Variants in HJURP observed in about 807,000 individuals in gnomAD.
HJURP encodes the protein 14-3-3-associated AKT substrate.
Under a neutral mutation model 72.0 loss-of-function variants are expected in HJURP, and 49 were observed. That is an observed-to-expected ratio of 0.68 (90% confidence interval 0.54 to 0.86). The LOEUF is 0.86. Ranked by LOEUF, HJURP falls within the 40% of genes least tolerant of loss-of-function variation. The pLI is 0.00. For missense variants in HJURP, 908 were observed against 936.3 expected, an observed-to-expected ratio of 0.97 and a Z score of 0.39; for synonymous variants, 357 against 347.1, an observed-to-expected ratio of 1.03 and a Z score of -0.32.
intron 3 of HJURP, among the ~76,000 whole-genome samples, chr2:233,850,646 G>T (rs954871527): frequency 2.6e-5 from 4 of 152,182 alleles, no homozygotes; most frequent in Admixed American, 6.5e-5. Context: ...AGAGGACTTG[G>T]GGCTACCCAG....
chr2:233,839,380 G>C (rs986747725), intron 8 of HJURP, among the ~76,000 whole-genome samples: 5 of 152,220 alleles, frequency 3.3e-5, no homozygotes, highest in Non-Finnish European at 7.3e-5. Context: ...GCAAAGAACT[G>C]GGGAGTAGGG....
At chr2:233,842,335 A>G in intron 7 of HJURP, 130 bp from the exon 8 acceptor site, 1 of 707,280 alleles carries the variant, frequency 1.4e-6, no homozygotes, top group Non-Finnish European at 2.3e-6. Flanking sequence ...AAAACACCAC[A>G]AATGTGTAGG....
intron 7 of HJURP, among the ~76,000 whole-genome samples, chr2:233,843,284 T>G (rs1705277045): frequency 6.6e-6 from 1 of 152,016 alleles, no homozygotes; most frequent in Non-Finnish European, 1.5e-5. Flanking sequence ...GGTGAGAAGC[T>G]TTTAGAGAAA....
At chr2:233,843,029 G>T (rs1036473066) in intron 7 of HJURP, among the ~76,000 whole-genome samples, 1 of 152,162 alleles carries the variant, frequency 6.6e-6, no homozygotes, top group African/African-American at 2.4e-5. Flanking sequence ...ACCGGCAATG[G>T]ATTATAACAT....
At position 233,849,857 on chromosome 2, in the gene HJURP, G is replaced by T. The variant is rs145421945; in HGVS notation, c.243C>A (p.Asp81Glu). Residue 81 changes from aspartate (D) to glutamate (E), a missense_variant and splice_region_variant, in exon 4 of 9, where the codon GAC (aspartate) becomes GAA (glutamate). Asp to Glu is a conservative substitution (Grantham distance 45, BLOSUM62 2). Transcript: ENST00000411486. ...IKERNEGEIQ[D>E]SSMKPADRTD... ...TCCTGTCCGCGGGCTTCATGGAGGA[G>T]TCCTCCAAGTGCAGAAGCCAATAAA... The T allele has an allele frequency of 3.0e-5, 47 of 1,541,026 alleles. No individual in the cohort carries two copies. In the African/African-American group the frequency reaches 6.3e-4, roughly 21 times the overall value.
chr2:233,844,158 A>T lies in HJURP; in HGVS notation c.574+47T>A, dbSNP rs754255809. 3.3e-6 allele frequency: 5 copies of T among 1,534,398 alleles called. No individual in the cohort carries two copies. The South Asian group carries it at 5.6e-5, about 17-fold the overall frequency. ...TGAGGGGCCACGCAGCTCCAACAAA[A>T]GTGAAGGAAACACGCACTGTTCATA... On this transcript the variant is annotated intron_variant, in intron 7 of 8. Coordinates refer to ENST00000411486, the MANE Select transcript of HJURP (RefSeq NM_018410.5).
intron 2 of HJURP, 38 bp downstream of exon 2, chr2:233,853,806 C>T: frequency 6.4e-7 from 1 of 1,558,970 alleles, no homozygotes; most frequent in South Asian, 1.1e-5. Flanking sequence ...CATTCACACT[C>T]TTCACCCGAA....
At chr2:233,845,996 A>G in intron 5 of HJURP, 176 bp from the exon 6 acceptor site, 1 of 550,122 alleles carries the variant, frequency 1.8e-6, no homozygotes, top group East Asian at 2.9e-5. Flanking sequence ...TGCTATGTTA[A>G]TAATCCAAAA....
At chr2:233,847,557 CAGT>C in intron 4 of HJURP, 96 bp from the exon 5 acceptor site, 2 of 1,018,470 alleles carry the variant, frequency 2.0e-6, no homozygotes, top group Non-Finnish European at 3.1e-6. Context: ...GTAAGTTGTA[CAGT>C]AAAAATCCCC....
chr2:233,853,968 C>T, intron 1 of HJURP, 58 bp from the exon 2 acceptor site: 1 of 1,493,788 alleles, frequency 6.7e-7, no homozygotes, highest in South Asian at 1.1e-5. Context: ...GCCCCAGACC[C>T]GGGAGGAGGC....
In HJURP at chr2:233,841,958, C is replaced by T; in HGVS notation, c.822G>A (p.Leu274=). ...TGATGCTTGATGGCTTTGTGCTCAA[C>T]AGCCGGCTCATGGAGTGCAGCATCC... The part of the protein sequence containing the change: ...YAGMLHSMSR[L]LSTKPSSIIS... The change falls in exon 8 of 9, where the codon CTG becomes CTA. Residue 274 remains leucine, a synonymous_variant. Coordinates refer to ENST00000411486, the MANE Select transcript of HJURP (RefSeq NM_018410.5). 6.2e-7 allele frequency: 1 copy of T among 1,614,232 alleles called. No individual in the cohort carries two copies. Among genetic ancestry groups the T allele is most frequent in the South Asian group, 1.1e-5 (1 of 91,080 alleles).
chr2:233,850,248 T>C (rs1705467656), intron 3 of HJURP, among the ~76,000 whole-genome samples: 1 of 152,206 alleles, frequency 6.6e-6, no homozygotes, highest in African/African-American at 2.4e-5. Context: ...AATAGGCAAG[T>C]GGCCCCTGGG....
intron 6 of HJURP, among the ~76,000 whole-genome samples, chr2:233,844,974 C>G (rs1270710345): frequency 6.6e-6 from 1 of 151,396 alleles, no homozygotes; most frequent in African/African-American, 2.4e-5. Flanking sequence ...CATCCCCCCC[C>G]TCCCAACATG....
At position 233,846,076 on chromosome 2, in the gene HJURP, G is replaced by T; in HGVS notation, c.403-256C>A. The T allele has an allele frequency of 2.7e-6, 1 of 373,794 alleles. No individual in the cohort carries two copies. Among genetic ancestry groups the T allele is most frequent in the Non-Finnish European group, 4.8e-6 (1 of 207,350 alleles). 23.2% of individuals were successfully genotyped at this position (373,794 alleles called of 1,614,324 possible). ...AGTTTATGACAGCATTGCTAGACCA[G>T]GAAAAAAAAAATCTGAATATTCATA... On this transcript the variant is annotated intron_variant, in intron 5 of 8. Transcript: ENST00000411486. This position sits in a 1 kb window ranked among gnomAD's most constrained non-coding sequence, Gnocchi z 4.3.
Position 233,837,325 on chromosome 2 carries a change from C to A in HJURP, c.*252G>T. 4 of 314,380 alleles carry A rather than the reference C, an allele frequency of 1.3e-5. No individual in the cohort carries two copies. Among genetic ancestry groups the A allele is most frequent in the Non-Finnish European group, 1.7e-5 (3 of 171,940 alleles). The allele number at this position is 314,380 out of a possible 1,614,324, so 19.5% of individuals were successfully genotyped here. On this transcript the variant is annotated 3_prime_UTR_variant, in exon 9 of 9. Transcript: ENST00000411486. ...ACAAACAAACAAACAAATAACCCCCCCCCAAAAAAAACACACACATCAGAA... is the reference window on the plus strand; with the variant it reads ...ACAAACAAACAAACAAATAACCCCCACCCAAAAAAAACACACACATCAGAA...
chr2:233,849,364 G>A lies in HJURP; in HGVS notation c.337+399C>T, dbSNP rs577122385. 2.4e-4 allele frequency among the ~76,000 whole-genome samples: 36 copies of A among 152,292 alleles called. No homozygotes were observed. In the South Asian group the frequency reaches 3.9e-3, roughly 17 times the overall value. On this transcript the variant is annotated intron_variant, in intron 4 of 8. Transcript: ENST00000411486. Reference sequence around the variant, plus strand: ...ATTCCCTAGAAAAGAGGACAGGATGGGGGTGGGCAGTGAGACTGGCCTGGG... The same window carrying A: ...ATTCCCTAGAAAAGAGGACAGGATGAGGGTGGGCAGTGAGACTGGCCTGGG...
Position 233,846,778 on chromosome 2 carries a change from G to C in HJURP, c.402+619C>G, listed in dbSNP as rs1279724916. ...GCATCAGGTATTCTGGCAGGCAACA[G>C]AGTGTGACACGGGGGCCAGGAAAGA... On this transcript the variant is annotated intron_variant, in intron 5 of 8. Transcript: ENST00000411486. The surrounding 1 kb of genome is among the most constrained non-coding windows in gnomAD (Gnocchi z 4.3). 3.3e-5 allele frequency among the ~76,000 whole-genome samples: 5 copies of C among 152,350 alleles called. No homozygotes were observed. The South Asian group carries it at 6.2e-4, about 19-fold the overall frequency.
At chr2:233,845,583 T>A (rs1705341582) in intron 6 of HJURP, 145 bp downstream of exon 6, 2 of 586,116 alleles carry the variant, frequency 3.4e-6, no homozygotes, top group African/African-American at 1.9e-5. Context: ...TATGTCAGCA[T>A]GTGAATAAAA....
intron 3 of HJURP, among the ~76,000 whole-genome samples, chr2:233,850,617 G>C (rs1473023749): frequency 6.6e-6 from 1 of 152,226 alleles, no homozygotes; most frequent in East Asian, 1.9e-4. Context: ...TGGTCCTCAG[G>C]TGTCAACTCT....
Sources: gnomAD v4.1 joint callset for allele counts (sites outside exome capture counted in the v4.1 genomes callset) on GRCh38, gnomAD v4.1.1 for gene constraint, Gnocchi (gnomAD v3.1) non-coding constraint, MANE v1.5 for transcripts, NCBI Gene and HGNC (gene_info 2026-07-23, HGNC 2026-07-21) for gene names.